Variants in PDZRN4 observed in about 807,000 individuals in gnomAD.
PDZRN4 encodes PDZ domain-containing RING finger protein 4.
A neutral mutation model predicts 99.0 loss-of-function variants in PDZRN4; 70 were observed. That is an observed-to-expected ratio of 0.71 (90% CI 0.58 to 0.86). The LOEUF is 0.86. Ranked by LOEUF, PDZRN4 falls within the 40% of genes least tolerant of loss-of-function variation. The pLI is 0.00. For missense variants in PDZRN4, 1,474 were observed against 1,331.2 expected (o/e 1.11, Z -1.67); for synonymous variants, 551 against 501.6 (o/e 1.10, Z -1.32).
chr12:41,365,264 A>T (rs1418528529), intron 3 of PDZRN4, among the ~76,000 whole-genome samples: 1 of 152,154 alleles, frequency 6.6e-6, no homozygotes, highest in Non-Finnish European at 1.5e-5. Context: ...CTATGGACCT[A>T]AAGTTTCTAG....
At chr12:41,201,448 T>C (rs1950815699) in intron 3 of PDZRN4, among the ~76,000 whole-genome samples, 1 of 152,146 alleles carries the variant, frequency 6.6e-6, no homozygotes, top group Non-Finnish European at 1.5e-5. Context: ...TCTTTGATGT[T>C]CTTTTCCCCC....
At chr12:41,486,361 C>A (rs1255345973) in intron 3 of PDZRN4, among the ~76,000 whole-genome samples, 1 of 152,158 alleles carries the variant, frequency 6.6e-6, no homozygotes, top group African/African-American at 2.4e-5. Context: ...GGGTTCAAAC[C>A]TCATTGCTTT....
At chr12:41,276,842 A>T (rs527847131) in intron 3 of PDZRN4, among the ~76,000 whole-genome samples, 1 of 152,260 alleles carries the variant, frequency 6.6e-6, no homozygotes, top group East Asian at 1.9e-4. Flanking sequence ...TCAGTACCCT[A>T]TATTTGTCTG....
chr12:41,212,743 G>T (rs76309574), intron 3 of PDZRN4, among the ~76,000 whole-genome samples: 3 of 151,958 alleles, frequency 2.0e-5, no homozygotes, highest in African/African-American at 4.8e-5. Flanking sequence ...GATGTAGAGT[G>T]GGTGGTTTTT....
At chr12:41,289,275 A>G (rs1951440970) in intron 3 of PDZRN4, among the ~76,000 whole-genome samples, 2 of 152,220 alleles carry the variant, frequency 1.3e-5, no homozygotes, top group South Asian at 4.1e-4. Context: ...CTGCAATGTA[A>G]TAGTATGACT....
chr12:41,483,427 A>C (rs1237229393), intron 3 of PDZRN4, among the ~76,000 whole-genome samples: 3 of 152,086 alleles, frequency 2.0e-5, no homozygotes, highest in African/African-American at 4.8e-5. Flanking sequence ...CTCTTTTTGC[A>C]GGGTGGGAGA....
chr12:41,360,565 C>T (rs1243545850), intron 3 of PDZRN4, among the ~76,000 whole-genome samples: 1 of 151,994 alleles, frequency 6.6e-6, no homozygotes, highest in African/African-American at 2.4e-5. Context: ...TTAGAATGAC[C>T]ACAACCTATG....
chr12:41,308,364 A>G (rs1282390031), intron 3 of PDZRN4, among the ~76,000 whole-genome samples: 1 of 152,178 alleles, frequency 6.6e-6, no homozygotes, highest in Non-Finnish European at 1.5e-5. Flanking sequence ...TAAGATCCTT[A>G]AATATCGGTT....
chr12:41,463,773 T>C (rs1714151557), intron 3 of PDZRN4, among the ~76,000 whole-genome samples: 1 of 152,180 alleles, frequency 6.6e-6, no homozygotes, highest in Non-Finnish European at 1.5e-5. Flanking sequence ...ATTTTTGTTT[T>C]CCATTCCTGT....
At position 41,188,974 on chromosome 12, in the gene PDZRN4, G is replaced by A. The variant is rs1435848393; in HGVS notation, c.519G>A (p.Ala173=). The A allele has an allele frequency of 2.7e-6, 4 of 1,479,320 alleles. No individual in the cohort carries two copies. Among genetic ancestry groups the A allele is most frequent in the Non-Finnish European group, 3.6e-6 (4 of 1,117,212 alleles). The allele number at this position is 1,479,320 out of a possible 1,614,324, so 91.6% of individuals were successfully genotyped here. A position where few individuals can be genotyped will look rare whatever the true frequency, so the allele number is the denominator to read the frequency against. The change falls in exon 1 of 10, where the codon GCG becomes GCA. Residue 173 remains alanine, a synonymous_variant. Transcript: ENST00000402685. ...RVLAWRRREK[A]LLAQLWALQG... ...TCGCCTGGAGGCGGCGCGAGAAGGCGCTGCTGGCGCAGCTCTGGGCGCTGC... is the reference window on the plus strand; with the variant it reads ...TCGCCTGGAGGCGGCGCGAGAAGGCACTGCTGGCGCAGCTCTGGGCGCTGC...
At chr12:41,505,769 A>T (rs1003564378) in intron 3 of PDZRN4, among the ~76,000 whole-genome samples, 3 of 151,770 alleles carry the variant, frequency 2.0e-5, no homozygotes, top group African/African-American at 7.2e-5. Flanking sequence ...GGGACATAAT[A>T]TACCCATTCA....
chr12:41,367,396 C>T (rs767661824), intron 3 of PDZRN4, among the ~76,000 whole-genome samples: 2 of 152,058 alleles, frequency 1.3e-5, no homozygotes, highest in Non-Finnish European at 2.9e-5. Context: ...GGACTCCCAA[C>T]TACTCAGGAG....
At chr12:41,469,959 A>T (rs1346441257) in intron 3 of PDZRN4, among the ~76,000 whole-genome samples, 1 of 152,120 alleles carries the variant, frequency 6.6e-6, no homozygotes, top group Non-Finnish European at 1.5e-5. Flanking sequence ...TAAAAAAAAT[A>T]AAAATAAATG....
chr12:41,317,048 G>GTATACATACATACATATATATA (rs374645706), intron 3 of PDZRN4, among the ~76,000 whole-genome samples: 1 of 69,582 alleles, frequency 1.4e-5, no homozygotes, highest in Non-Finnish European at 3.5e-5. Context: ...CTTACATAAA[G>GTATACATACATACATATATATA]TATATATATA....
intron 3 of PDZRN4, among the ~76,000 whole-genome samples, chr12:41,254,369 A>G (rs1951190481): frequency 1.3e-5 from 2 of 152,158 alleles, no homozygotes; most frequent in Non-Finnish European, 2.9e-5. Flanking sequence ...TAAGATACTC[A>G]AAGTCACATG....
intron 3 of PDZRN4, among the ~76,000 whole-genome samples, chr12:41,410,716 AG>A (rs546289292): frequency 3.3e-5 from 5 of 152,280 alleles, no homozygotes; most frequent in Admixed American, 1.3e-4. Flanking sequence ...AACCTGTCTC[AG>A]CCTTAATTTC....
At chr12:41,453,549 CAT>C (rs1952792261) in intron 3 of PDZRN4, among the ~76,000 whole-genome samples, 1 of 152,176 alleles carries the variant, frequency 6.6e-6, no homozygotes, top group African/African-American at 2.4e-5. Context: ...CATGTAGCAA[CAT>C]AGTTTCACCT....
At chr12:41,516,923 TAAG>T (rs1049231150) in intron 5 of PDZRN4, among the ~76,000 whole-genome samples, 32 of 152,146 alleles carry the variant, frequency 2.1e-4, no homozygotes, top group African/African-American at 7.7e-4. Context: ...ATTGAATACT[TAAG>T]TTTATTAAAT....
chr12:41,259,901 C>T (rs1383363575), intron 3 of PDZRN4, among the ~76,000 whole-genome samples: 1 of 152,074 alleles, frequency 6.6e-6, no homozygotes, highest in Admixed American at 6.5e-5. Flanking sequence ...GTGTCAGTTA[C>T]AGATGTCTTT....
Sources: allele counts gnomAD v4.1 joint callset (sites outside exome capture counted in the v4.1 genomes callset), GRCh38; gene constraint gnomAD v4.1.1; transcripts MANE v1.5; gene names NCBI Gene and HGNC (gene_info 2026-07-23, HGNC 2026-07-21).